Variants in DDX10 observed in about 807,000 individuals in gnomAD.
DDX10 encodes DEAD-box helicase 10, also known as probable ATP-dependent RNA helicase DDX10.
In DDX10, 74 loss-of-function variants were observed where a neutral mutation model predicts 104.3. The observed-to-expected ratio is 0.71, with a 90% CI of 0.59 to 0.86. The LOEUF is 0.86. Among genes scored for constraint, DDX10 ranks in the 40% least tolerant of loss-of-function variants. DDX10 has a pLI of 0.00. For missense variants in DDX10, 952 were observed against 1,040.0 expected (o/e 0.92, Z 1.16); for synonymous variants, 351 against 353.4 (o/e 0.99, Z 0.08).
chr11:108,903,196 G>T (rs1324801995), intron 16 of DDX10, among the ~76,000 whole-genome samples: 1 of 152,108 alleles, frequency 6.6e-6, no homozygotes, highest in Non-Finnish European at 1.5e-5. Flanking sequence ...AAGGAACCTA[G>T]TACCCTTTAG....
chr11:108,704,295 A>G (rs989275154), intron 9 of DDX10, among the ~76,000 whole-genome samples: 12 of 152,164 alleles, frequency 7.9e-5, no homozygotes, highest in Non-Finnish European at 1.6e-4. Context: ...TCATCTTGCC[A>G]TCTATGAACT....
intron 16 of DDX10, among the ~76,000 whole-genome samples, chr11:108,894,159 A>G (rs1175812485): frequency 6.6e-6 from 1 of 152,088 alleles, no homozygotes; most frequent in Non-Finnish European, 1.5e-5. Flanking sequence ...TAAAAAAGAA[A>G]GGTGAGAGCA....
intron 13 of DDX10, among the ~76,000 whole-genome samples, chr11:108,761,913 T>A: frequency 6.6e-6 from 1 of 152,282 alleles, no homozygotes; most frequent in East Asian, 1.9e-4. Flanking sequence ...AATAAATCAT[T>A]AAGTAAATTT....
At chr11:108,720,563 C>T (rs1192976717) in intron 12 of DDX10, among the ~76,000 whole-genome samples, 2 of 152,034 alleles carry the variant, frequency 1.3e-5, no homozygotes, top group Non-Finnish European at 2.9e-5. Flanking sequence ...AACAGAATGG[C>T]TGGTTTTGTT....
At chr11:108,857,521 T>C (rs1862887108) in intron 16 of DDX10, among the ~76,000 whole-genome samples, 1 of 152,228 alleles carries the variant, frequency 6.6e-6, no homozygotes, top group African/African-American at 2.4e-5. Flanking sequence ...CTTCTCTCTC[T>C]CTTTGGCTCT....
chr11:108,683,340 G>A (rs1436843067), intron 6 of DDX10, among the ~76,000 whole-genome samples: 1 of 152,168 alleles, frequency 6.6e-6, no homozygotes, highest in Non-Finnish European at 1.5e-5. Flanking sequence ...TTTAGATTCA[G>A]TTTTCCTTCT....
rs78996303 is a variant in DDX10, at chr11:108,733,858, T to A, written c.1965+10396T>A. 1.6e-3 allele frequency among the ~76,000 whole-genome samples: 240 copies of A among 152,172 alleles called. 1 individual carries two copies. The highest frequency in any genetic ancestry group is 5.6e-3 in the African/African-American group (231 of 41,510). On this transcript the variant is annotated intron_variant, in intron 13 of 17. Transcript: ENST00000322536. ...TTTTTTTCAAGTGGTTTACCTTCCATGCTACCCTTAAGTTCACCCTTGCAG... is the reference window on the plus strand; with the variant it reads ...TTTTTTTCAAGTGGTTTACCTTCCAAGCTACCCTTAAGTTCACCCTTGCAG...
chr11:108,825,910 T>C (rs1862389689), intron 13 of DDX10, among the ~76,000 whole-genome samples: 1 of 152,194 alleles, frequency 6.6e-6, no homozygotes, highest in African/African-American at 2.4e-5. Context: ...TGTCGGACTT[T>C]GGAATAAATA....
intron 16 of DDX10, among the ~76,000 whole-genome samples, chr11:108,856,028 T>C (rs568924606): frequency 2.3e-4 from 35 of 152,362 alleles, no homozygotes; most frequent in South Asian, 6.2e-4. Context: ...ATAGTGGTTT[T>C]AGGTAATAGT....
chr11:108,906,033 A>G (rs1208474433), intron 16 of DDX10, among the ~76,000 whole-genome samples: 3 of 152,194 alleles, frequency 2.0e-5, no homozygotes, highest in African/African-American at 7.2e-5. Context: ...ACAATTCAAC[A>G]TGAGGTTTGA....
intron 16 of DDX10, among the ~76,000 whole-genome samples, chr11:108,870,846 C>T (rs554420321): frequency 2.8e-4 from 43 of 152,258 alleles, no homozygotes; most frequent in African/African-American, 4.6e-4. Flanking sequence ...TAGACCGATA[C>T]GAACAAACAG....
intron 17 of DDX10, among the ~76,000 whole-genome samples, chr11:108,938,456 C>T (rs1864063142): frequency 6.6e-6 from 1 of 152,198 alleles, no homozygotes; most frequent in Non-Finnish European, 1.5e-5. Context: ...ACCTGAGATG[C>T]ACTTGATGTA....
chr11:108,726,909 G>A (rs191113793), intron 13 of DDX10, among the ~76,000 whole-genome samples: 47 of 152,090 alleles, frequency 3.1e-4, no homozygotes, highest in African/African-American at 1.0e-3. Flanking sequence ...ATTGTGACTT[G>A]TGTCAGATGC....
intron 9 of DDX10, among the ~76,000 whole-genome samples, chr11:108,697,704 A>G (rs2094261832): frequency 6.6e-6 from 1 of 152,194 alleles, no homozygotes; most frequent in African/African-American, 2.4e-5. Context: ...ATAATGCTCT[A>G]TCCTGTGATA....
chr11:108,922,755 A>G (rs1863851806), intron 17 of DDX10, among the ~76,000 whole-genome samples: 1 of 152,348 alleles, frequency 6.6e-6, no homozygotes, highest in Middle Eastern at 3.4e-3. Context: ...ACTAAAAGAG[A>G]ACTTGCTTAT....
chr11:108,828,380 C>T (rs1862425379), intron 13 of DDX10, among the ~76,000 whole-genome samples: 1 of 152,142 alleles, frequency 6.6e-6, no homozygotes, highest in African/African-American at 2.4e-5. Context: ...TTAGCTCTCA[C>T]ATATGAGTGA....
intron 9 of DDX10, among the ~76,000 whole-genome samples, chr11:108,699,837 G>A (rs533196808): frequency 1.3e-5 from 2 of 152,222 alleles, no homozygotes; most frequent in South Asian, 4.2e-4. Flanking sequence ...AGAGGTGTGG[G>A]ATCTCCACTA....
chr11:108,666,057 A>G (rs2094209736), intron 1 of DDX10, among the ~76,000 whole-genome samples: 1 of 151,768 alleles, frequency 6.6e-6, no homozygotes, highest in African/African-American at 2.4e-5. Context: ...TCTTCCCCCA[A>G]CCTCCAGACT....
chr11:108,708,495 G>A (rs1174521500), intron 10 of DDX10, among the ~76,000 whole-genome samples: 1 of 151,448 alleles, frequency 6.6e-6, no homozygotes. Flanking sequence ...ATTTTTGGGA[G>A]TGCTAATAAT....
Sources: gnomAD v4.1 joint callset for allele counts (sites outside exome capture counted in the v4.1 genomes callset) on GRCh38, gnomAD v4.1.1 for gene constraint, MANE v1.5 for transcripts, NCBI Gene and HGNC (gene_info 2026-07-23, HGNC 2026-07-21) for gene names.